The following RIT2 variants were observed in gnomAD, a reference collection of about 807,000 sequenced individuals.
The protein encoded by RIT2 is GTP-binding protein Rit2.
RIT2 carries 24 observed loss-of-function variants against 23.7 expected under a neutral mutation model. The observed-to-expected ratio is 1.01, with a 90% CI of 0.73 to 1.43. RIT2 has a LOEUF of 1.43. RIT2 is among the 40% of genes most tolerant of loss of function. The pLI, the probability that RIT2 is intolerant of heterozygous loss-of-function variation, is 0.00. For synonymous variants in RIT2, 107 were observed against 91.1 expected (o/e 1.17, Z -0.99); for missense variants, 236 against 266.9 (o/e 0.88, Z 0.81).
At chr18:43,046,724 C>T (rs570929089) in intron 1 of RIT2, among the ~76,000 whole-genome samples, 189 of 152,294 alleles carry the variant, frequency 1.2e-3, no homozygotes, top group Non-Finnish European at 2.3e-3. Flanking sequence ...TCTCCCTTTT[C>T]CCACTTGTCT....
intron 3 of RIT2, among the ~76,000 whole-genome samples, chr18:42,936,116 C>T: frequency 6.6e-6 from 1 of 151,896 alleles, no homozygotes; most frequent in East Asian, 1.9e-4. Flanking sequence ...CACAAATTGG[C>T]CTTAGAGTCT....
chr18:42,838,989 G>A (rs1255160368), intron 4 of RIT2, among the ~76,000 whole-genome samples: 1 of 152,156 alleles, frequency 6.6e-6, no homozygotes, highest in African/African-American at 2.4e-5. Flanking sequence ...CAAGCCAGAT[G>A]GGTCCTGGCA....
chr18:42,854,667 A>G (rs1917971942), intron 4 of RIT2, among the ~76,000 whole-genome samples: 1 of 152,208 alleles, frequency 6.6e-6, no homozygotes, highest in Non-Finnish European at 1.5e-5. Flanking sequence ...ACTGAGAATT[A>G]AAAACAAACA....
At chr18:43,062,066 G>T (rs544269083) in intron 1 of RIT2, among the ~76,000 whole-genome samples, 1 of 152,144 alleles carries the variant, frequency 6.6e-6, no homozygotes, top group African/African-American at 2.4e-5. Context: ...CCCACTTGCT[G>T]AGCTACGGGA....
At chr18:43,049,972 C>CTTTTT (rs755291383) in intron 1 of RIT2, among the ~76,000 whole-genome samples, 10 of 66,008 alleles carry the variant, frequency 1.5e-4, no homozygotes, top group African/African-American at 4.6e-4. Flanking sequence ...AAGGGATTTC[C>CTTTTT]TTTTTTTTTT....
intron 1 of RIT2, among the ~76,000 whole-genome samples, chr18:43,101,787 T>A (rs1913690493): frequency 6.6e-6 from 1 of 152,194 alleles, no homozygotes; most frequent in Non-Finnish European, 1.5e-5. Flanking sequence ...GAAGGCAAAT[T>A]TTTTTAAGGG....
At chr18:42,774,157 T>G (rs1913611943) in intron 4 of RIT2, among the ~76,000 whole-genome samples, 2 of 152,158 alleles carry the variant, frequency 1.3e-5, no homozygotes, top group Non-Finnish European at 2.9e-5. Flanking sequence ...TTCAGACCAT[T>G]TACAAAATGT....
intron 1 of RIT2, among the ~76,000 whole-genome samples, chr18:43,083,189 T>C (rs1298308275): frequency 6.6e-6 from 1 of 152,162 alleles, no homozygotes; most frequent in Non-Finnish European, 1.5e-5. Flanking sequence ...GAAGGACTTC[T>C]TCAAGGAGAA....
chr18:42,994,966 T>C (rs1007906313), intron 2 of RIT2, among the ~76,000 whole-genome samples: 13 of 151,688 alleles, frequency 8.6e-5, no homozygotes, highest in Non-Finnish European at 1.8e-4. Context: ...TTATTCCGGA[T>C]ACCACACCTG....
chr18:42,927,734 C>T (rs1038248176), intron 3 of RIT2, among the ~76,000 whole-genome samples: 2 of 151,894 alleles, frequency 1.3e-5, no homozygotes, highest in African/African-American at 2.4e-5. Flanking sequence ...GTATAAAATG[C>T]TACAAATATA....
intron 3 of RIT2, among the ~76,000 whole-genome samples, chr18:42,960,917 T>A (rs1241507399): frequency 6.6e-6 from 1 of 152,212 alleles, no homozygotes; most frequent in Non-Finnish European, 1.5e-5. Context: ...ATTTGTATAC[T>A]TTTAATCAAT....
intron 4 of RIT2, among the ~76,000 whole-genome samples, chr18:42,875,275 C>T (rs1907715572): frequency 1.3e-5 from 2 of 151,500 alleles, no homozygotes; most frequent in South Asian, 4.2e-4. Context: ...TGACTTTACC[C>T]CTCGGGCAAG....
At chr18:43,025,147 G>T (rs1911683516) in intron 2 of RIT2, among the ~76,000 whole-genome samples, 1 of 151,560 alleles carries the variant, frequency 6.6e-6, no homozygotes, top group Admixed American at 6.6e-5. Context: ...GGCCGAGGTT[G>T]CAGCGAGCCA....
At chr18:42,863,322 C>CGTCT (rs1396718468) in intron 4 of RIT2, among the ~76,000 whole-genome samples, 1 of 152,152 alleles carries the variant, frequency 6.6e-6, no homozygotes, top group Non-Finnish European at 1.5e-5. Context: ...TTATCTTAGA[C>CGTCT]TTCTCATCAT....
intron 4 of RIT2, among the ~76,000 whole-genome samples, chr18:42,785,634 T>A (rs1475114739): frequency 2.6e-5 from 4 of 152,120 alleles, no homozygotes; most frequent in African/African-American, 9.7e-5. Flanking sequence ...TTATGAGGGA[T>A]AGTTTTGTAT....
intron 4 of RIT2, among the ~76,000 whole-genome samples, chr18:42,848,198 G>A (rs1022858270): frequency 1.4e-4 from 21 of 152,146 alleles, no homozygotes; most frequent in African/African-American, 3.1e-4. Flanking sequence ...GGCAATTCTC[G>A]CTCCAAAACC....
At chr18:43,047,393 G>A (rs1455917368) in intron 1 of RIT2, among the ~76,000 whole-genome samples, 1 of 151,954 alleles carries the variant, frequency 6.6e-6, no homozygotes, top group African/African-American at 2.4e-5. Flanking sequence ...AATTAATGCT[G>A]TGCTTAATCA....
intron 4 of RIT2, among the ~76,000 whole-genome samples, chr18:42,817,979 T>C (rs939499719): frequency 3.9e-5 from 6 of 152,146 alleles, no homozygotes; most frequent in Middle Eastern, 3.4e-3. Flanking sequence ...CAGATTTATT[T>C]AAATTGCATT....
rs186814476 is a variant in RIT2, at chr18:42,976,662, G to T, written c.161-2515C>A. Among the ~76,000 whole-genome samples the T allele has an allele frequency of 2.0e-5, 3 of 152,096 alleles. No homozygotes were observed. The East Asian group carries it at 5.8e-4, about 29-fold the overall frequency. ...TATGTAATAAATACAAGAGTGTCTT[G>T]CATGTAAAAAAACTAATAAAGGATG... On this transcript the variant is annotated intron_variant, in intron 2 of 4. Coordinates refer to ENST00000326695, the MANE Select transcript of RIT2 (RefSeq NM_002930.4).
Sources: gnomAD v4.1 joint callset for allele counts (sites outside exome capture counted in the v4.1 genomes callset) on GRCh38, gnomAD v4.1.1 for gene constraint, MANE v1.5 for transcripts, NCBI Gene and HGNC (gene_info 2026-07-23, HGNC 2026-07-21) for gene names.